PHLPP1: variants seen among roughly 807,000 people sequenced by gnomAD.
PHLPP1 encodes the protein PH domain and leucine rich repeat protein phosphatase 1, also known as PH domain leucine-rich repeat-containing protein phosphatase 1.
A neutral mutation model predicts 117.2 loss-of-function variants in PHLPP1; 42 were observed. The observed-to-expected ratio is 0.36, with a 90% CI of 0.28 to 0.46. The LOEUF is 0.46. PHLPP1 is among the 20% of genes least tolerant of loss of function. The pLI is 1.00. For missense variants in PHLPP1, 2,084 were observed against 2,241.9 expected, an observed-to-expected ratio of 0.93 and a Z score of 1.42; for synonymous variants, 1,042 against 970.7, an observed-to-expected ratio of 1.07 and a Z score of -1.37.
At position 62,715,604 on chromosome 18, in the gene PHLPP1, C is replaced by A; in HGVS notation, c.-80C>A. ...TTCTCCCTTCTCCGCGCGCCGCCGC[C>A]GTCTCCCACCTCCGCCTCATCGCCT... On this transcript the variant is annotated 5_prime_UTR_variant, in exon 1 of 17. Coordinates refer to ENST00000262719, the MANE Select transcript of PHLPP1 (RefSeq NM_194449.4). 1 of 963,734 alleles carries A rather than the reference C, an allele frequency of 1.0e-6. No individual in the cohort carries two copies. Among genetic ancestry groups the A allele is most frequent in the Non-Finnish European group, 1.4e-6 (1 of 738,152 alleles). 59.7% of individuals were successfully genotyped at this position (963,734 alleles called of 1,614,324 possible).
chr18:62,852,127 G>A (rs937513961), intron 3 of PHLPP1, among the ~76,000 whole-genome samples: 1 of 151,678 alleles, frequency 6.6e-6, no homozygotes, highest in African/African-American at 2.4e-5. Flanking sequence ...TGGTCCTCCC[G>A]CCTCAGCCTC....
In PHLPP1 at chr18:62,978,846, G is replaced by C; in HGVS notation, c.4569G>C (p.Leu1523=). The C allele has an allele frequency of 6.2e-7, 1 of 1,608,402 alleles. No individual in the cohort carries two copies. The highest frequency in any genetic ancestry group is 8.5e-7 in the Non-Finnish European group (1 of 1,177,488). ...EQRCMLHPIC[L]SNSFQRQLSS... is the part of the protein sequence containing the mutation. ...GCTGCATGCTCCACCCCATCTGTCT[G>C]TCCAACTCCTTCCAGCGCCAGCTAT... Residue 1523 remains leucine (L), a synonymous_variant, in exon 17 of 17, where the codon CTG becomes CTC. Coordinates refer to ENST00000262719, the MANE Select transcript of PHLPP1 (RefSeq NM_194449.4). This position sits in a 1 kb window ranked among gnomAD's most constrained non-coding sequence, Gnocchi z 7.0.
chr18:62,804,777 A>G (rs951778500), intron 1 of PHLPP1, among the ~76,000 whole-genome samples: 3 of 146,716 alleles, frequency 2.0e-5, no homozygotes, highest in Non-Finnish European at 3.0e-5. Context: ...GTGTGTGTGT[A>G]TATATGTAAA....
chr18:62,874,689 A>T lies in PHLPP1; in HGVS notation c.2066+14088A>T, dbSNP rs71353604. The stretch of plus-strand genomic sequence containing the variant: ...CACACACACACACACACACACACAC[A>T]CACTCTCGCTCTCTGTCTCTCTCTG... On this transcript the variant is annotated intron_variant, in intron 4 of 16. Coordinates refer to ENST00000262719, the MANE Select transcript of PHLPP1 (RefSeq NM_194449.4). Among the ~76,000 whole-genome samples, 6 of 128,470 alleles carry T rather than the reference A, an allele frequency of 4.7e-5. No individual in the cohort carries two copies. In the East Asian group the frequency reaches 6.2e-4, roughly 13 times the overall value. 84.3% of individuals were successfully genotyped at this position (128,470 alleles called of 152,430 possible). A position where few individuals can be genotyped will look rare whatever the true frequency, so the allele number is the denominator to read the frequency against.
chr18:62,765,831 TAAA>T (rs1912455766), intron 1 of PHLPP1, among the ~76,000 whole-genome samples: 1 of 151,162 alleles, frequency 6.6e-6, no homozygotes, highest in Non-Finnish European at 1.5e-5. Context: ...CCGTCTGTAC[TAAA>T]ATTACAAAAA....
At chr18:62,936,658 C>T (rs547165949) in intron 10 of PHLPP1, among the ~76,000 whole-genome samples, 1 of 152,256 alleles carries the variant, frequency 6.6e-6, no homozygotes, top group East Asian at 1.9e-4. Flanking sequence ...ACAACCTCTG[C>T]GATATTTTTG....
chr18:62,903,034 C>T lies in PHLPP1; in HGVS notation c.2515C>T (p.Arg839Ter), dbSNP rs535439869. 3.1e-6 allele frequency: 5 copies of T among 1,612,944 alleles called. No individual in the cohort carries two copies. Among genetic ancestry groups the T allele is most frequent in the South Asian group, 1.1e-5 (1 of 91,060 alleles). ...FLQHVTQLDL[R>*]DNKLGDLDAM... Reference sequence around the variant, plus strand: ...ACAGCATGTTACTCAGCTTGACCTACGAGACAATAAGCTTGGTGATCTAGA... The same window carrying T: ...ACAGCATGTTACTCAGCTTGACCTATGAGACAATAAGCTTGGTGATCTAGA... The change falls in exon 7 of 17, where the codon CGA becomes TGA. Residue 839 changes from arginine (R) to a stop codon, truncating the protein, a stop_gained. Coordinates refer to ENST00000262719, the MANE Select transcript of PHLPP1 (RefSeq NM_194449.4). LOFTEE classifies it high-confidence loss of function.
At chr18:62,858,843 G>A (rs1915562514) in intron 3 of PHLPP1, among the ~76,000 whole-genome samples, 1 of 152,154 alleles carries the variant, frequency 6.6e-6, no homozygotes, top group Admixed American at 6.5e-5. Context: ...AGTGTTAGTA[G>A]TAGTACTAGT....
At chr18:62,923,833 A>G (rs1909545710) in intron 10 of PHLPP1, among the ~76,000 whole-genome samples, 1 of 152,190 alleles carries the variant, frequency 6.6e-6, no homozygotes, top group South Asian at 2.1e-4. Flanking sequence ...AAAACATGAA[A>G]TTTAAAATAT....
At chr18:62,827,202 G>T (rs1914634124) in intron 1 of PHLPP1, among the ~76,000 whole-genome samples, 1 of 152,096 alleles carries the variant, frequency 6.6e-6, no homozygotes, top group Non-Finnish European at 1.5e-5. Flanking sequence ...TTATGTTTCT[G>T]TCTCAGCTTG....
At chr18:62,904,223 T>G (rs1221886944) in intron 7 of PHLPP1, among the ~76,000 whole-genome samples, 1 of 152,230 alleles carries the variant, frequency 6.6e-6, no homozygotes, top group Non-Finnish European at 1.5e-5. Flanking sequence ...AGAATCTGAA[T>G]GTGGCTTGTT....
At chr18:62,918,846 C>G (rs9952205) in intron 9 of PHLPP1, among the ~76,000 whole-genome samples, 7,475 of 150,942 alleles carry the variant, frequency 0.05, 626 homozygotes, top group African/African-American at 0.17. Flanking sequence ...TATAAATGTT[C>G]TCATCACAAA....
intron 14 of PHLPP1, among the ~76,000 whole-genome samples, chr18:62,965,563 G>A (rs1444210823): frequency 1.4e-5 from 2 of 146,914 alleles, no homozygotes; most frequent in African/African-American, 5.1e-5. Flanking sequence ...GGGTTCAAGT[G>A]ATTATCCTGC....
intron 4 of PHLPP1, among the ~76,000 whole-genome samples, chr18:62,873,897 A>C (rs1476260096): frequency 2.0e-5 from 3 of 151,650 alleles, no homozygotes; most frequent in African/African-American, 7.2e-5. Context: ...AGAAAGATAA[A>C]TAAAGGGCCG....
chr18:62,902,698 A>G (rs1317686599), intron 6 of PHLPP1, among the ~76,000 whole-genome samples: 2 of 152,190 alleles, frequency 1.3e-5, no homozygotes, highest in Non-Finnish European at 2.9e-5. Context: ...GAATTAAGGT[A>G]AAGTCAATGT....
At chr18:62,814,616 G>A (rs1180819810) in intron 1 of PHLPP1, among the ~76,000 whole-genome samples, 2 of 152,150 alleles carry the variant, frequency 1.3e-5, no homozygotes, top group Non-Finnish European at 2.9e-5. Flanking sequence ...TCACTCATTC[G>A]ACCATTTTCA....
intron 1 of PHLPP1, among the ~76,000 whole-genome samples, chr18:62,787,411 G>A (rs899780071): frequency 1.3e-5 from 2 of 152,134 alleles, no homozygotes; most frequent in East Asian, 3.9e-4. Flanking sequence ...CAGATGATCC[G>A]CCCACCTCGG....
At chr18:62,814,076 G>T (rs1159028077) in intron 1 of PHLPP1, among the ~76,000 whole-genome samples, 3 of 152,048 alleles carry the variant, frequency 2.0e-5, no homozygotes, top group Non-Finnish European at 2.9e-5. Context: ...TAATCTGTAG[G>T]CATATTCAGG....
chr18:62,957,449 A>G (rs1438952073), intron 12 of PHLPP1, among the ~76,000 whole-genome samples: 1 of 149,170 alleles, frequency 6.7e-6, no homozygotes. Context: ...TACTTGACTC[A>G]GCCCCTTTTT....
Sources: gnomAD v4.1 joint callset for allele counts (sites outside exome capture counted in the v4.1 genomes callset) on GRCh38, gnomAD v4.1.1 for gene constraint, Gnocchi (gnomAD v3.1) non-coding constraint, MANE v1.5 for transcripts, NCBI Gene and HGNC (gene_info 2026-07-23, HGNC 2026-07-21) for gene names.